Variants in ZNF728 observed in about 807,000 individuals in gnomAD.
ZNF728 encodes zinc finger protein 728.
ZNF728 carries 12 observed loss-of-function variants against 12.5 expected under a neutral mutation model. That is an observed-to-expected ratio of 0.96 (90% CI 0.61 to 1.55). The LOEUF (loss-of-function observed/expected upper bound fraction) is 1.55, where lower values mean the gene tolerates loss of function less well. Ranked by LOEUF, ZNF728 falls within the 40% of genes most tolerant of loss-of-function variation. ZNF728 has a pLI of 0.00. For synonymous variants in ZNF728, 205 were observed against 240.7 expected, an observed-to-expected ratio of 0.85 and a Z score of 1.37; for missense variants, 692 against 719.2, an observed-to-expected ratio of 0.96 and a Z score of 0.43.
chr19:23,001,488 G>GGGTCA (rs1969113492), intron 1 of ZNF728, among the ~76,000 whole-genome samples: 2 of 152,194 alleles, frequency 1.3e-5, no homozygotes, highest in Non-Finnish European at 1.5e-5. Context: ...AGACCCAGGA[G>GGGTCA]CTGATATTCA....
At position 22,975,103 on chromosome 19, in the gene ZNF728, T is replaced by G. The variant is rs1968778716; in HGVS notation, c.*365A>C. 6.6e-6 allele frequency among the ~76,000 whole-genome samples: 1 copy of G among 152,220 alleles called. No individual in the cohort carries two copies. The highest frequency in any genetic ancestry group is 6.5e-5 in the Admixed American group (1 of 15,272). On this transcript the variant is annotated 3_prime_UTR_variant, in exon 4 of 4. Transcript: ENST00000594710. ...GATTTCTTTTATATTCAGAAAAGTT[T>G]CAGGTGTTGCCAAAAGCCTTGTCAC... is the stretch of plus-strand genomic sequence containing the variant.
intron 3 of ZNF728, among the ~76,000 whole-genome samples, chr19:22,984,508 A>G: frequency 6.7e-6 from 1 of 149,614 alleles, no homozygotes; most frequent in Admixed American, 6.7e-5. Flanking sequence ...GCAGTGAGCC[A>G]AGATTGTGCC....
chr19:22,986,684 A>G (rs184420636), intron 3 of ZNF728, among the ~76,000 whole-genome samples: 1 of 152,134 alleles, frequency 6.6e-6, no homozygotes, highest in African/African-American at 2.4e-5. Context: ...TCTAGATTCA[A>G]TAAACTCTCT....
intron 1 of ZNF728, among the ~76,000 whole-genome samples, chr19:22,999,700 C>T (rs1363853493): frequency 6.6e-6 from 1 of 152,040 alleles, no homozygotes; most frequent in Non-Finnish European, 1.5e-5. Context: ...GTAAGAGAAG[C>T]AAATGTATTT....
At chr19:22,977,868 A>G (rs938028582) in intron 3 of ZNF728, among the ~76,000 whole-genome samples, 23 of 152,180 alleles carry the variant, frequency 1.5e-4, no homozygotes, top group African/African-American at 5.3e-4. Context: ...ATAGGGCAAT[A>G]TAATCCCATC....
chr19:23,000,759 T>C (rs1035591558), intron 1 of ZNF728, among the ~76,000 whole-genome samples: 3 of 151,240 alleles, frequency 2.0e-5, no homozygotes, highest in South Asian at 2.1e-4. Context: ...TCCCACCTAC[T>C]TGGGAGGCTG....
rs755253137 is a variant in ZNF728 at position 22,976,121 on chromosome 19, T to TA, written c.1215dup (p.Lys406Ter). 6.2e-7 allele frequency: 1 copy of TA among 1,612,578 alleles called. No individual in the cohort carries two copies. Among genetic ancestry groups the TA allele is most frequent in the Non-Finnish European group, 8.5e-7 (1 of 1,179,736 alleles). On this transcript the variant is annotated frameshift_variant, in exon 4 of 4. Coordinates refer to ENST00000594710, the MANE Select transcript of ZNF728 (RefSeq NM_001267716.2). LOFTEE classifies it low-confidence loss of function (END_TRUNC). ...TGTTTAGTAAGTGTTGAGGACCACT[T>TA]AAAGGTTTTGCCACATTCTTCACAT...
intron 1 of ZNF728, 65 bp from the exon 2 acceptor site, chr19:22,988,516 CA>C: frequency 6.3e-7 from 1 of 1,593,494 alleles, no homozygotes; most frequent in Non-Finnish European, 8.5e-7. Context: ...TAATTTGACT[CA>C]AGGTAAAATG....
chr19:22,984,974 C>T (rs1355297789), intron 3 of ZNF728, among the ~76,000 whole-genome samples: 1 of 152,016 alleles, frequency 6.6e-6, no homozygotes, highest in East Asian at 1.9e-4. Context: ...CATATATATA[C>T]TTTAACATGT....
In ZNF728 at chr19:22,976,901, G is replaced by A; in HGVS notation, c.436C>T (p.Gln146Ter). 1 of 1,613,404 alleles carries A rather than the reference G, an allele frequency of 6.2e-7. No homozygotes were observed. The highest frequency in any genetic ancestry group is 1.1e-5 in the South Asian group (1 of 91,066). Residue 146 changes from glutamine (Q) to a stop codon, truncating the protein, a stop_gained, in exon 4 of 4, where the codon CAA becomes TAA. Coordinates refer to ENST00000594710, the MANE Select transcript of ZNF728 (RefSeq NM_001267716.2). LOFTEE classifies it low-confidence loss of function (END_TRUNC). ...AAGATGTTTGCATATTTGCCACATTGAAATACTTTGCTTTGTGTAGTTGTC... is the reference window on the plus strand; with the variant it reads ...AAGATGTTTGCATATTTGCCACATTAAAATACTTTGCTTTGTGTAGTTGTC... Reference protein sequence around the residue: ...SLTTTQSKVFQCGKYANIFHK... With the variant: ...SLTTTQSKVF
chr19:22,975,385 C>A lies in ZNF728; in HGVS notation c.*83G>T. On this transcript the variant is annotated 3_prime_UTR_variant, in exon 4 of 4. Transcript: ENST00000594710. ...CAGTTAAAAAATTTGCCACATTCTT[C>A]ACATTTGTAGGGTTTCCCTCCTGTA... is the stretch of plus-strand genomic sequence containing the variant. 1.5e-6 allele frequency: 2 copies of A among 1,364,306 alleles called. No individual in the cohort carries two copies. Among genetic ancestry groups the A allele is most frequent in the South Asian group, 1.4e-5 (1 of 71,690 alleles). The allele number at this position is 1,364,306 out of a possible 1,614,324, so 84.5% of individuals were successfully genotyped here.
intron 3 of ZNF728, among the ~76,000 whole-genome samples, chr19:22,983,721 C>T (rs1968884535): frequency 6.6e-6 from 1 of 152,072 alleles, no homozygotes; most frequent in African/African-American, 2.4e-5. Flanking sequence ...ATGGATAAAG[C>T]TGGAAACCAT....
intron 2 of ZNF728, among the ~76,000 whole-genome samples, 174 bp from the exon 3 acceptor site, chr19:22,987,577 T>C (rs1968931501): frequency 6.6e-6 from 1 of 152,230 alleles, no homozygotes; most frequent in Admixed American, 6.5e-5. Flanking sequence ...TGTAAGTTCT[T>C]AATTTTATCA....
chr19:22,981,507 G>C (rs1968860997), intron 3 of ZNF728, among the ~76,000 whole-genome samples: 1 of 152,124 alleles, frequency 6.6e-6, no homozygotes, highest in Non-Finnish European at 1.5e-5. Flanking sequence ...CAAAAGGAGG[G>C]AAGCCTCCCT....
chr19:22,979,478 A>G (rs1315779031), intron 3 of ZNF728, among the ~76,000 whole-genome samples: 1 of 152,192 alleles, frequency 6.6e-6, no homozygotes, highest in Non-Finnish European at 1.5e-5. Context: ...CAACCTAGCA[A>G]GACAGGCCAA....
At chr19:22,980,308 G>A (rs1968849107) in intron 3 of ZNF728, among the ~76,000 whole-genome samples, 1 of 151,794 alleles carries the variant, frequency 6.6e-6, no homozygotes. Context: ...TGGTAAAGGG[G>A]TCAATGCAAC....
rs756091328 is a variant in ZNF728 at position 22,976,055 on chromosome 19, C to T, written c.1282G>A (p.Glu428Lys). Residue 428 changes from glutamate (E) to lysine (K), a missense_variant, in exon 4 of 4, where the codon GAA becomes AAA. Around this residue, in one of 3 missense-constraint regions of ZNF728, gnomAD observed 244 missense variants for 235.2 expected, o/e 1.04. Coordinates refer to ENST00000594710, the MANE Select transcript of ZNF728 (RefSeq NM_001267716.2). The stretch of plus-strand genomic sequence containing the variant: ...AATGTAGTAAAGGCTTTGCCACATT[C>T]TTCACATTTGTAGGGTTTCTCTCCA... ...HTGEKPYKCE[E>K]CGKAFTTFSS... 1 of 1,606,008 alleles carries T rather than the reference C, an allele frequency of 6.2e-7. No homozygotes were observed. Among genetic ancestry groups the T allele is most frequent in the Non-Finnish European group, 8.5e-7 (1 of 1,175,486 alleles).
chr19:22,999,270 T>A (rs114815575), intron 1 of ZNF728, among the ~76,000 whole-genome samples: 1,566 of 152,254 alleles, frequency 0.01, 20 homozygotes, highest in African/African-American at 0.029. Context: ...TCTTTTTTTT[T>A]TATATATACA....
intron 3 of ZNF728, among the ~76,000 whole-genome samples, chr19:22,984,038 C>T (rs189170636): frequency 1.8e-4 from 28 of 151,934 alleles, no homozygotes; most frequent in Admixed American, 5.2e-4. Context: ...AACAAGGAAA[C>T]GGACTACTTA....
Sources: gnomAD v4.1 joint callset for allele counts (sites outside exome capture counted in the v4.1 genomes callset) on GRCh38, gnomAD v4.1.1 for gene constraint, gnomAD v4.1.1 regional missense constraint, MANE v1.5 for transcripts, NCBI Gene and HGNC (gene_info 2026-07-23, HGNC 2026-07-21) for gene names.